MICU1: variants seen among roughly 807,000 people sequenced by gnomAD.
MICU1 encodes the protein calcium uptake protein 1, mitochondrial.
MICU1 carries 45 observed loss-of-function variants against 56.8 expected under a neutral mutation model. The observed-to-expected ratio is 0.79, with a 90% CI of 0.62 to 1.02. The LOEUF is 1.02. Ranked by LOEUF, MICU1 falls within the 50% of genes least tolerant of loss-of-function variation. The pLI, the probability that MICU1 is intolerant of heterozygous loss-of-function variation, is 0.00. For synonymous variants in MICU1, 186 were observed against 195.1 expected (o/e 0.95, Z 0.39); for missense variants, 504 against 587.1 (o/e 0.86, Z 1.46).
At chr10:72,548,287 C>T (rs533404891) in intron 4 of MICU1, among the ~76,000 whole-genome samples, 9 of 151,706 alleles carry the variant, frequency 5.9e-5, no homozygotes, top group South Asian at 2.1e-4. Context: ...AAAATGAAAG[C>T]GAAAAAAACA....
intron 8 of MICU1, among the ~76,000 whole-genome samples, chr10:72,435,420 C>T (rs968582018): frequency 2.1e-5 from 3 of 141,264 alleles, no homozygotes; most frequent in African/African-American, 7.8e-5. Context: ...AAGTGGGGGG[C>T]GTTCCAAGAT....
chr10:72,574,413 G>T (rs949716832), intron 1 of MICU1, among the ~76,000 whole-genome samples: 1 of 152,134 alleles, frequency 6.6e-6, no homozygotes, highest in Non-Finnish European at 1.5e-5. Flanking sequence ...CAGCTACTCG[G>T]GAGGCTGAGG....
intron 10 of MICU1, among the ~76,000 whole-genome samples, chr10:72,396,567 A>G (rs144115304): frequency 0.03 from 4,584 of 152,288 alleles, 227 homozygotes; most frequent in African/African-American, 0.11. Flanking sequence ...TAATTAGAAT[A>G]AACAGTGTAG....
At chr10:72,442,835 CAG>C (rs1300084085) in intron 8 of MICU1, among the ~76,000 whole-genome samples, 1 of 152,214 alleles carries the variant, frequency 6.6e-6, no homozygotes, top group Non-Finnish European at 1.5e-5. Flanking sequence ...TGGCTCACTG[CAG>C]ACTCTGCCTC....
intron 1 of MICU1, among the ~76,000 whole-genome samples, chr10:72,600,217 G>A (rs1043217594): frequency 2.6e-5 from 4 of 151,364 alleles, no homozygotes; most frequent in African/African-American, 7.3e-5. Context: ...GCTTGAATCC[G>A]GGATGGGGAG....
rs186462091 is a variant in MICU1, at chr10:72,514,084, A to C, written c.538-5815T>G. 2.1e-3 allele frequency among the ~76,000 whole-genome samples: 323 copies of C among 151,986 alleles called. 1 individual carries two copies. The highest frequency in any genetic ancestry group is 7.0e-3 in the African/African-American group (289 of 41,440). On this transcript the variant is annotated intron_variant, in intron 5 of 11. Coordinates refer to ENST00000361114, the MANE Select transcript of MICU1 (RefSeq NM_001195518.2). Reference sequence around the variant, plus strand: ...TAATATCAATTGACCTATATCTTCAAGTTCACTAATTCTTTCTTCTGCCTG... The same window carrying C: ...TAATATCAATTGACCTATATCTTCACGTTCACTAATTCTTTCTTCTGCCTG...
At chr10:72,469,679 T>C (rs901050591) in intron 8 of MICU1, among the ~76,000 whole-genome samples, 9 of 152,178 alleles carry the variant, frequency 5.9e-5, no homozygotes, top group Admixed American at 4.6e-4. Context: ...AAAGGCACAG[T>C]GCATGCCCAG....
At chr10:72,408,465 C>A (rs771479844) in intron 9 of MICU1, among the ~76,000 whole-genome samples, 1 of 152,220 alleles carries the variant, frequency 6.6e-6, no homozygotes, top group African/African-American at 2.4e-5. Flanking sequence ...CACACCATCA[C>A]GCCTGGTTAA....
intron 8 of MICU1, among the ~76,000 whole-genome samples, chr10:72,469,307 A>G (rs956132940): frequency 2.0e-5 from 3 of 152,230 alleles, no homozygotes; most frequent in Non-Finnish European, 2.9e-5. Context: ...CCTGGATCTG[A>G]AGTTTTAAAG....
intron 1 of MICU1, among the ~76,000 whole-genome samples, chr10:72,585,088 T>C (rs1447476670): frequency 6.7e-6 from 1 of 150,286 alleles, no homozygotes; most frequent in South Asian, 2.1e-4. Context: ...TTAGGTTTTT[T>C]TTTTTGTTTT....
chr10:72,410,562 T>A (rs1264893724), intron 9 of MICU1, among the ~76,000 whole-genome samples: 1 of 152,112 alleles, frequency 6.6e-6, no homozygotes, highest in Non-Finnish European at 1.5e-5. Flanking sequence ...GAGGTTGCAG[T>A]GAGCTGAGAT....
intron 5 of MICU1, among the ~76,000 whole-genome samples, chr10:72,520,491 C>T (rs1434992444): frequency 6.6e-6 from 1 of 152,056 alleles, no homozygotes; most frequent in East Asian, 1.9e-4. Flanking sequence ...TTCTTCTAAG[C>T]TTTTCAAAGG....
chr10:72,610,106 T>A (rs1213922373), intron 1 of MICU1, among the ~76,000 whole-genome samples: 5 of 151,384 alleles, frequency 3.3e-5, no homozygotes, highest in African/African-American at 1.2e-4. Context: ...AAAAATTTTT[T>A]AAAAATTGGT....
chr10:72,486,316 G>A (rs1866473427), intron 6 of MICU1, among the ~76,000 whole-genome samples: 2 of 152,076 alleles, frequency 1.3e-5, no homozygotes, highest in South Asian at 2.1e-4. Context: ...TGTATCTTTA[G>A]GACTAGCACA....
chr10:72,457,735 G>A (rs113841464), intron 8 of MICU1, among the ~76,000 whole-genome samples: 1,566 of 152,112 alleles, frequency 0.01, 26 homozygotes, highest in African/African-American at 0.036. Flanking sequence ...GACAGAGAGA[G>A]AGACAGAGAG....
At chr10:72,603,815 C>A (rs5013011) in intron 1 of MICU1, among the ~76,000 whole-genome samples, 70,500 of 151,888 alleles carry the variant, frequency 0.46, 20,288 homozygotes, top group Non-Finnish European at 0.67. Flanking sequence ...AAAAACAAAA[C>A]AAAACAAACA....
chr10:72,499,815 T>C (rs1311985926), intron 6 of MICU1, among the ~76,000 whole-genome samples: 4 of 152,290 alleles, frequency 2.6e-5, no homozygotes, highest in East Asian at 1.9e-4. Flanking sequence ...AAAACTTTTA[T>C]AACATTTTCA....
intron 1 of MICU1, among the ~76,000 whole-genome samples, chr10:72,612,940 C>G (rs1439803796): frequency 6.6e-6 from 1 of 151,652 alleles, no homozygotes; most frequent in African/African-American, 2.4e-5. Flanking sequence ...ATCTGTAAGA[C>G]AAAATCCATA....
At chr10:72,459,955 CTT>C (rs1163202713) in intron 8 of MICU1, among the ~76,000 whole-genome samples, 1 of 152,212 alleles carries the variant, frequency 6.6e-6, no homozygotes, top group Non-Finnish European at 1.5e-5. Context: ...AATCGACTCC[CTT>C]TTCTCTCTCC....
Sources: allele counts gnomAD v4.1 joint callset (sites outside exome capture counted in the v4.1 genomes callset), GRCh38; gene constraint gnomAD v4.1.1; transcripts MANE v1.5; gene names NCBI Gene and HGNC (gene_info 2026-07-23, HGNC 2026-07-21).